CCDC171: variants seen among roughly 807,000 people sequenced by gnomAD.
CCDC171 encodes the protein coiled-coil domain-containing protein 171.
CCDC171 carries 177 observed loss-of-function variants against 168.2 expected under a neutral mutation model. That is an observed-to-expected ratio of 1.05 (90% confidence interval 0.93 to 1.19). The LOEUF is 1.19. CCDC171 is among the 50% of genes most tolerant of loss of function. The pLI, the probability that CCDC171 is intolerant of heterozygous loss-of-function variation, is 0.00. For synonymous variants in CCDC171, 687 were observed against 540.8 expected (o/e 1.27, Z -3.75); for missense variants, 1,991 against 1,539.0 (o/e 1.29, Z -4.91).
chr9:16,072,136 A>T, the CCDC171 span, among the ~76,000 whole-genome samples: 1 of 152,242 alleles, frequency 6.6e-6, no homozygotes, highest in African/African-American at 2.4e-5. Flanking sequence ...GTAGAATGCA[A>T]AGCTCATATG....
chr9:15,651,281 G>C (rs1428367141), intron 7 of CCDC171, among the ~76,000 whole-genome samples: 1 of 151,878 alleles, frequency 6.6e-6, no homozygotes, highest in East Asian at 1.9e-4. Context: ...GCTAATTTTT[G>C]TATTTTTAGT....
chr9:15,896,741 C>G (rs1206967704), intron 24 of CCDC171, among the ~76,000 whole-genome samples: 1 of 152,040 alleles, frequency 6.6e-6, no homozygotes, highest in African/African-American at 2.4e-5. Flanking sequence ...TCTAGTTACA[C>G]ATTGTTTTTA....
intron 21 of CCDC171, among the ~76,000 whole-genome samples, chr9:15,841,596 G>T (rs1240253024): frequency 6.6e-6 from 1 of 151,888 alleles, no homozygotes; most frequent in African/African-American, 2.4e-5. Context: ...CCCTAAGGAA[G>T]ATTAATTTAA....
At chr9:15,579,352 G>A (rs1284177828) in intron 4 of CCDC171, among the ~76,000 whole-genome samples, 2 of 152,004 alleles carry the variant, frequency 1.3e-5, no homozygotes, top group Non-Finnish European at 2.9e-5. Flanking sequence ...TATACTCCAG[G>A]CTCCCCATCA....
At chr9:15,752,883 G>A (rs1160997678) in intron 18 of CCDC171, among the ~76,000 whole-genome samples, 1 of 151,834 alleles carries the variant, frequency 6.6e-6, no homozygotes, top group African/African-American at 2.4e-5. Context: ...AGAACTTAAA[G>A]TACATATATA....
At chr9:15,593,505 C>G (rs1261454111) in intron 5 of CCDC171, among the ~76,000 whole-genome samples, 2 of 151,968 alleles carry the variant, frequency 1.3e-5, no homozygotes, top group African/African-American at 4.8e-5. Context: ...TCTAGAGTTT[C>G]CTTATCCTAA....
chr9:15,732,369 A>T (rs1432668622), intron 16 of CCDC171, among the ~76,000 whole-genome samples: 3 of 152,066 alleles, frequency 2.0e-5, no homozygotes, highest in African/African-American at 7.2e-5. Context: ...GCTGTTAGGA[A>T]GAGTTTCATT....
chr9:15,840,404 C>T (rs1456978820), intron 21 of CCDC171, among the ~76,000 whole-genome samples: 1 of 152,026 alleles, frequency 6.6e-6, no homozygotes, highest in Non-Finnish European at 1.5e-5. Flanking sequence ...ATTTTTTGGA[C>T]CTCCACATAG....
chr9:15,895,195 G>A lies in CCDC171; in HGVS notation c.3600+20532G>A, dbSNP rs117448196. Among the ~76,000 whole-genome samples, 310 of 152,212 alleles carry A rather than the reference G, an allele frequency of 2.0e-3. 1 individual carries two copies. Among genetic ancestry groups the A allele is most frequent in the Non-Finnish European group, 3.7e-3 (250 of 68,002 alleles). On this transcript the variant is annotated intron_variant, in intron 24 of 25. Coordinates refer to ENST00000380701, the MANE Select transcript of CCDC171 (RefSeq NM_173550.4). ...ATAATTCCTGTTTTTCAAGGACTGT[G>A]TAAAAAGTAAGAGATTATGTATGCC... is the stretch of plus-strand genomic sequence containing the variant.
upstream of CCDC171, among the ~76,000 whole-genome samples, chr9:16,038,719 A>C (rs1203408539): frequency 2.6e-5 from 4 of 152,106 alleles, no homozygotes; most frequent in Admixed American, 2.0e-4. Context: ...ACCCTAAAAA[A>C]TGTTAATGAA....
At chr9:15,660,646 A>G (rs753978242) in intron 8 of CCDC171, among the ~76,000 whole-genome samples, 25 of 152,188 alleles carry the variant, frequency 1.6e-4, no homozygotes, top group Non-Finnish European at 2.2e-4. Context: ...AGCATAGGAC[A>G]TGATTTTGTT....
intron 11 of CCDC171, among the ~76,000 whole-genome samples, chr9:15,703,625 T>C (rs773584542): frequency 2.0e-5 from 3 of 152,212 alleles, no homozygotes; most frequent in Non-Finnish European, 2.9e-5. Flanking sequence ...TCAATGTGTA[T>C]ATATCCCACT....
At chr9:16,054,407 G>C (rs941073990) in intron 1 of CCDC171, among the ~76,000 whole-genome samples, 2 of 152,152 alleles carry the variant, frequency 1.3e-5, no homozygotes, top group African/African-American at 4.8e-5. Flanking sequence ...AGGAGGTAAC[G>C]TTAGAGTGAA....
chr9:15,775,974 T>A (rs1188054137), intron 18 of CCDC171, among the ~76,000 whole-genome samples: 2 of 152,144 alleles, frequency 1.3e-5, no homozygotes, highest in Admixed American at 6.5e-5. Context: ...ATATATTAGG[T>A]ATTGAAATGA....
rs190684489 is a variant in CCDC171 at position 15,754,669 on chromosome 9, C to T, written c.2671+9038C>T. ...CTGACTTTGAATACTGGTTCTGACA[C>T]TAGCTGTGTGACCTTGGGCAAGTTA... On this transcript the variant is annotated intron_variant, in intron 18 of 25. Coordinates refer to ENST00000380701, the MANE Select transcript of CCDC171 (RefSeq NM_173550.4). Among the ~76,000 whole-genome samples, 38 of 152,214 alleles carry T rather than the reference C, an allele frequency of 2.5e-4. No individual in the cohort carries two copies. The East Asian group carries it at 3.5e-3, about 14-fold the overall frequency.
At chr9:15,773,626 A>C (rs748584911) in intron 18 of CCDC171, among the ~76,000 whole-genome samples, 7 of 152,186 alleles carry the variant, frequency 4.6e-5, no homozygotes, top group Non-Finnish European at 1.0e-4. Flanking sequence ...ACAAGTATAC[A>C]TGAGGAACTT....
rs150773145 is a variant in CCDC171, at chr9:15,777,826, G to C, written c.2898G>C (p.Thr966=). Residue 966 remains threonine, a splice_region_variant and synonymous_variant, in exon 19 of 26, where the codon ACG becomes ACC. Coordinates refer to ENST00000380701, the MANE Select transcript of CCDC171 (RefSeq NM_173550.4). The part of the protein sequence containing the change: ...KYGLRGHVPI[T]KSTASLQKQI... ...GTTTGCGTGGCCATGTGCCCATTACGGTATGTATACACTTTCATTTAGTAG... is the reference window on the plus strand; with the variant it reads ...GTTTGCGTGGCCATGTGCCCATTACCGTATGTATACACTTTCATTTAGTAG... 1.1e-5 allele frequency: 17 copies of C among 1,593,588 alleles called. No individual in the cohort carries two copies. The highest frequency in any genetic ancestry group is 1.7e-4 in the Middle Eastern group (1 of 5,960).
intron 3 of CCDC171, among the ~76,000 whole-genome samples, chr9:16,020,171 G>A (rs571363594): frequency 1.1e-4 from 16 of 152,036 alleles, no homozygotes; most frequent in African/African-American, 2.7e-4. Context: ...ACATAACACC[G>A]AACACAAATT....
intron 6 of CCDC171, among the ~76,000 whole-genome samples, chr9:16,027,090 A>T (rs557369487): frequency 1.3e-5 from 2 of 152,332 alleles, no homozygotes; most frequent in East Asian, 3.9e-4. Flanking sequence ...TCTCAGCCCA[A>T]GGTTGAGTAA....
Sources: gnomAD v4.1 joint callset for allele counts (sites outside exome capture counted in the v4.1 genomes callset) on GRCh38, gnomAD v4.1.1 for gene constraint, MANE v1.5 for transcripts, NCBI Gene and HGNC (gene_info 2026-07-23, HGNC 2026-07-21) for gene names.